Variants in PXDNL observed in about 807,000 individuals in gnomAD.
The protein encoded by PXDNL is probable oxidoreductase PXDNL.
In PXDNL, 145 loss-of-function variants were observed where a neutral mutation model predicts 150.8. That is an observed-to-expected ratio of 0.96 (90% CI 0.84 to 1.10). The LOEUF is 1.10. PXDNL is among the 50% of genes least tolerant of loss of function. The pLI is 0.00. For missense variants in PXDNL, 2,087 were observed against 1,873.9 expected, an observed-to-expected ratio of 1.11 and a Z score of -2.10; for synonymous variants, 757 against 725.7, an observed-to-expected ratio of 1.04 and a Z score of -0.69.
intron 2 of PXDNL, among the ~76,000 whole-genome samples, chr8:51,635,441 T>G (rs1814586017): frequency 6.6e-6 from 1 of 152,014 alleles, no homozygotes. Context: ...AACCAAAAGT[T>G]GGTTCTTTGA....
intron 7 of PXDNL, among the ~76,000 whole-genome samples, chr8:51,472,826 A>G (rs1810379084): frequency 6.6e-6 from 1 of 152,236 alleles, no homozygotes; most frequent in Non-Finnish European, 1.5e-5. Flanking sequence ...GAAAACACTT[A>G]AATTATTTCA....
At chr8:51,742,270 G>C (rs1005145020) in intron 1 of PXDNL, among the ~76,000 whole-genome samples, 2 of 152,204 alleles carry the variant, frequency 1.3e-5, no homozygotes, top group African/African-American at 4.8e-5. Context: ...CTGTAAAAGG[G>C]GGGCAGGGTC....
intron 1 of PXDNL, among the ~76,000 whole-genome samples, chr8:51,802,334 T>A (rs2037630546): frequency 6.6e-6 from 1 of 152,206 alleles, no homozygotes; most frequent in African/African-American, 2.4e-5. Context: ...ATTTTAAACA[T>A]AACTCTGAGT....
intron 1 of PXDNL, among the ~76,000 whole-genome samples, chr8:51,664,050 CAAA>C (rs59020717): frequency 1.5e-4 from 12 of 79,064 alleles, no homozygotes; most frequent in African/African-American, 1.7e-4. Context: ...GACTCTGTCT[CAAA>C]AAAAAAAAAA....
intron 1 of PXDNL, among the ~76,000 whole-genome samples, chr8:51,764,239 A>C (rs13271369): frequency 0.01 from 1,559 of 151,306 alleles, 17 homozygotes; most frequent in Admixed American, 0.032. Flanking sequence ...CAATTTTTTG[A>C]CCTTTTTAAA....
chr8:51,643,290 C>G (rs1814816866), intron 2 of PXDNL, among the ~76,000 whole-genome samples: 1 of 152,170 alleles, frequency 6.6e-6, no homozygotes, highest in Non-Finnish European at 1.5e-5. Flanking sequence ...TGACTTCAAA[C>G]TATACCACAA....
intron 1 of PXDNL, among the ~76,000 whole-genome samples, chr8:51,794,907 G>C (rs919943865): frequency 6.6e-6 from 1 of 152,162 alleles, no homozygotes; most frequent in Non-Finnish European, 1.5e-5. Flanking sequence ...CTGTATTCAA[G>C]AGACTCATCT....
At chr8:51,808,464 T>C (rs933515073) in intron 1 of PXDNL, among the ~76,000 whole-genome samples, 1 of 152,370 alleles carries the variant, frequency 6.6e-6, no homozygotes, top group East Asian at 1.9e-4. Flanking sequence ...TATGACTTAA[T>C]TTAATCTAAA....
chr8:51,562,098 A>T (rs1377647226), intron 3 of PXDNL, among the ~76,000 whole-genome samples: 2 of 151,398 alleles, frequency 1.3e-5, no homozygotes, highest in African/African-American at 4.8e-5. Flanking sequence ...TATTTATTTC[A>T]TATTTATTTT....
intron 4 of PXDNL, among the ~76,000 whole-genome samples, chr8:51,534,417 G>A (rs1812006931): frequency 1.5e-5 from 2 of 135,226 alleles, no homozygotes; most frequent in Admixed American, 1.4e-4. Context: ...CCTCTGCCCG[G>A]CCGCCCCTAC....
intron 1 of PXDNL, among the ~76,000 whole-genome samples, chr8:51,675,133 C>T (rs1474688982): frequency 6.6e-6 from 1 of 152,192 alleles, no homozygotes; most frequent in Non-Finnish European, 1.5e-5. Flanking sequence ...CTTATAAACC[C>T]TAGTCATTTC....
At chr8:51,805,937 C>T (rs1175881693) in intron 1 of PXDNL, among the ~76,000 whole-genome samples, 1 of 152,174 alleles carries the variant, frequency 6.6e-6, no homozygotes, top group East Asian at 1.9e-4. Flanking sequence ...CCTAAAGATG[C>T]TGTGTTCATT....
chr8:51,723,247 T>C (rs1472622043), intron 1 of PXDNL, among the ~76,000 whole-genome samples: 1 of 152,114 alleles, frequency 6.6e-6, no homozygotes, highest in Non-Finnish European at 1.5e-5. Flanking sequence ...TGAAGTTAAC[T>C]TAGAGAAAAC....
intron 21 of PXDNL, among the ~76,000 whole-genome samples, chr8:51,338,350 TCC>T (rs1805892565): frequency 6.6e-6 from 1 of 152,150 alleles, no homozygotes; most frequent in Admixed American, 6.5e-5. Context: ...ATCACACCGC[TCC>T]ACCTGGGACT....
At chr8:51,644,347 C>CATATATATATATAT (rs1341219267) in intron 2 of PXDNL, among the ~76,000 whole-genome samples, 1 of 46,682 alleles carries the variant, frequency 2.1e-5, no homozygotes, top group Non-Finnish European at 5.9e-5. Context: ...TACACACACA[C>CATATATATATATAT]ACACACACAC....
Position 51,499,710 on chromosome 8 carries a change from T to A in PXDNL, c.441A>T (p.Arg147Ser). 1 of 1,612,004 alleles carries A rather than the reference T, an allele frequency of 6.2e-7. No individual in the cohort carries two copies. Among genetic ancestry groups the A allele is most frequent in the Non-Finnish European group, 8.5e-7 (1 of 1,178,110 alleles). Reference sequence around the variant, plus strand: ...GGGTCAACACTTACAGTCGCTCTAATCTCAGAAGGTCTCCAAAGGTCTCTG... The same window carrying A: ...GGGTCAACACTTACAGTCGCTCTAAACTCAGAAGGTCTCCAAAGGTCTCTG... ...LQPETFGDLL[R>S]LERLFLHNNK... is the part of the protein sequence containing the mutation. Residue 147 changes from arginine to serine, a missense_variant, in exon 5 of 23, where the codon AGA becomes AGT. Coordinates refer to ENST00000356297, the MANE Select transcript of PXDNL (RefSeq NM_144651.5).
intron 1 of PXDNL, among the ~76,000 whole-genome samples, chr8:51,776,859 C>A (rs557581214): frequency 2.1e-4 from 32 of 152,188 alleles, no homozygotes; most frequent in African/African-American, 7.5e-4. Context: ...ATAATTTTTT[C>A]TTTAACTCTC....
chr8:51,755,043 C>T (rs12674620), intron 1 of PXDNL, among the ~76,000 whole-genome samples: 118,238 of 152,048 alleles, frequency 0.78, 46,174 homozygotes, highest in East Asian at 0.87. Context: ...TTACTCTGCA[C>T]AAGTTACTAG....
intron 17 of PXDNL, among the ~76,000 whole-genome samples, chr8:51,383,797 C>T (rs1807617510): frequency 6.6e-6 from 1 of 151,894 alleles, no homozygotes. Flanking sequence ...CCACAGAGAC[C>T]ACAGTGTCAA....
Sources: gnomAD v4.1 joint callset for allele counts (sites outside exome capture counted in the v4.1 genomes callset) on GRCh38, gnomAD v4.1.1 for gene constraint, MANE v1.5 for transcripts, NCBI Gene and HGNC (gene_info 2026-07-23, HGNC 2026-07-21) for gene names.